PRTG: variants seen among roughly 807,000 people sequenced by gnomAD.
PRTG encodes immunoglobulin superfamily, DCC subclass, member 5.
In PRTG, 67 loss-of-function variants were observed where a neutral mutation model predicts 122.5. The ratio of observed to expected loss-of-function variants is 0.55; its 90% CI spans 0.45 to 0.67. The LOEUF (loss-of-function observed/expected upper bound fraction) is 0.67. Among genes scored for constraint, PRTG ranks in the 30% least tolerant of loss-of-function variants. PRTG has a pLI of 0.00. For synonymous variants in PRTG, 554 were observed against 501.1 expected (o/e 1.11, Z -1.41); for missense variants, 1,435 against 1,415.4 (o/e 1.01, Z -0.22).
At chr15:55,633,006 A>T (rs939273936) in intron 15 of PRTG, among the ~76,000 whole-genome samples, 9 of 152,212 alleles carry the variant, frequency 5.9e-5, no homozygotes, top group Non-Finnish European at 1.2e-4. Context: ...AAGATTGCTA[A>T]TTTCCAGTGT....
chr15:55,724,508 T>C (rs2030953004), intron 2 of PRTG, among the ~76,000 whole-genome samples: 1 of 152,118 alleles, frequency 6.6e-6, no homozygotes, highest in African/African-American at 2.4e-5. Context: ...CCCAGCATTT[T>C]GGGAGGCCAG....
chr15:55,710,586 C>T (rs1485637301), intron 2 of PRTG, among the ~76,000 whole-genome samples: 2 of 151,994 alleles, frequency 1.3e-5, no homozygotes, highest in Non-Finnish European at 2.9e-5. Context: ...TTATAATATC[C>T]CAGAATCTAA....
chr15:55,701,660 T>C (rs2059664527), intron 2 of PRTG, among the ~76,000 whole-genome samples: 2 of 152,170 alleles, frequency 1.3e-5, no homozygotes. Flanking sequence ...TTCATAATCA[T>C]CCAAAACTGG....
chr15:55,707,527 T>A (rs1219136726), intron 2 of PRTG, among the ~76,000 whole-genome samples: 1 of 152,222 alleles, frequency 6.6e-6, no homozygotes, highest in African/African-American at 2.4e-5. Context: ...TAGAAATTTT[T>A]ACCAAATTAT....
intron 1 of PRTG, among the ~76,000 whole-genome samples, chr15:55,741,704 C>G (rs191169724): frequency 4.4e-4 from 67 of 152,338 alleles, no homozygotes; most frequent in Non-Finnish European, 8.8e-4. Flanking sequence ...TACAAACCCC[C>G]AGAAATGATT....
chr15:55,631,278 AG>A (rs1171958903), intron 15 of PRTG, among the ~76,000 whole-genome samples: 1 of 152,252 alleles, frequency 6.6e-6, no homozygotes, highest in African/African-American at 2.4e-5. Flanking sequence ...CTTAGCTGAA[AG>A]GAAGAACATT....
At position 55,705,668 on chromosome 15, in the gene PRTG, T is replaced by C. The variant is rs558916778; in HGVS notation, c.398-21737A>G. On this transcript the variant is annotated intron_variant, in intron 2 of 19. Transcript: ENST00000389286. Reference sequence around the variant, plus strand: ...TTGGGGTTTCACCATGTTGCACTCCTGACCTCAAGTGATCCTCCCGCTTCA... The same window carrying C: ...TTGGGGTTTCACCATGTTGCACTCCCGACCTCAAGTGATCCTCCCGCTTCA... Among the ~76,000 whole-genome samples the C allele has an allele frequency of 6.6e-5, 10 of 152,100 alleles. 1 individual carries two copies. In the South Asian group the frequency reaches 2.1e-3, roughly 32 times the overall value.
chr15:55,638,761 G>A, intron 13 of PRTG, 85 bp from the exon 14 acceptor site: 1 of 1,188,368 alleles, frequency 8.4e-7, no homozygotes, highest in Non-Finnish European at 1.2e-6. Context: ...ATAGGTAAGG[G>A]CATAATGTTA....
At chr15:55,671,908 C>G (rs1444345371) in intron 11 of PRTG, among the ~76,000 whole-genome samples, 3 of 152,188 alleles carry the variant, frequency 2.0e-5, no homozygotes, top group Non-Finnish European at 4.4e-5. Flanking sequence ...CAATGTCTTT[C>G]AGAACACTGA....
chr15:55,735,950 CT>C (rs1274912312), intron 2 of PRTG, among the ~76,000 whole-genome samples: 1 of 152,076 alleles, frequency 6.6e-6, no homozygotes, highest in Non-Finnish European at 1.5e-5. Context: ...TTTCTACTTC[CT>C]TCACTTGACT....
intron 2 of PRTG, among the ~76,000 whole-genome samples, chr15:55,707,499 G>A (rs117826077): frequency 0.011 from 1,609 of 152,212 alleles, 21 homozygotes; most frequent in East Asian, 0.012. Context: ...TATTAAATGC[G>A]GAATGCATAC....
Position 55,629,371 on chromosome 15 carries a change from ATATATGTGTGTGTGTG to A in PRTG, c.2624-383_2624-368del, listed in dbSNP as rs1466660183. ...TTTGTTTGGCTTTGTATATATATATATATATGTGTGTGTGTGTGTGTGTGTGTGTGTGTGTGTGTGT... is the reference window on the plus strand; with the variant it reads ...TTTGTTTGGCTTTGTATATATATATATGTGTGTGTGTGTGTGTGTGTGTGT... On this transcript the variant is annotated intron_variant, in intron 15 of 19. Transcript: ENST00000389286. 4.5e-4 allele frequency among the ~76,000 whole-genome samples: 16 copies of A among 35,560 alleles called. 1 individual carries two copies. Among genetic ancestry groups the A allele is most frequent in the East Asian group, 0.14 (2 of 14 alleles). The allele number at this position is 35,560 out of a possible 152,430, so 23.3% of individuals were successfully genotyped here.
Position 55,638,583 on chromosome 15 carries a change from C to G in PRTG, c.2418G>C (p.Trp806Cys). The change falls in exon 14 of 20, where the codon TGG becomes TGC. Residue 806 changes from tryptophan (W) to cysteine (C), a missense_variant. Trp to Cys is a radical substitution (Grantham distance 215). Transcript: ENST00000389286. ...RLHVDQLSSP[W>C]SPVVYHSTLP... ...GAGTAGAATGGTAGACTACAGGGCT[C>G]CAAGGACTGGAAAGCTGATCCACAT... 6.2e-7 allele frequency: 1 copy of G among 1,613,394 alleles called. No individual in the cohort carries two copies. The highest frequency in any genetic ancestry group is 8.5e-7 in the Non-Finnish European group (1 of 1,179,508).
chr15:55,692,835 C>CTTTTTTTT (rs774248341), intron 2 of PRTG, among the ~76,000 whole-genome samples: 14 of 74,978 alleles, frequency 1.9e-4, no homozygotes, highest in Non-Finnish European at 2.1e-4. Flanking sequence ...AATGCAATCT[C>CTTTTTTTT]TTTTTTTTTT....
intron 2 of PRTG, among the ~76,000 whole-genome samples, chr15:55,692,934 G>C (rs145415931): frequency 6.6e-5 from 9 of 136,750 alleles, no homozygotes; most frequent in African/African-American, 2.4e-4. Context: ...TCTGTCTCCC[G>C]GGTTCAAGCA....
chr15:55,662,277 T>C (rs2059414507), intron 11 of PRTG, among the ~76,000 whole-genome samples: 1 of 152,220 alleles, frequency 6.6e-6, no homozygotes, highest in East Asian at 1.9e-4. Flanking sequence ...AAAAGGTATT[T>C]CTTCTCTCCG....
chr15:55,629,403 G>A (rs879481517), intron 15 of PRTG, among the ~76,000 whole-genome samples: 5 of 114,278 alleles, frequency 4.4e-5, no homozygotes, highest in African/African-American at 2.2e-4. Flanking sequence ...GTGTGTGTGT[G>A]TGTGTGTGTG....
chr15:55,618,775 C>T lies in PRTG; in HGVS notation c.*1237G>A, dbSNP rs1169378391. 3 of 152,144 alleles carry T rather than the reference C, an allele frequency of 2.0e-5. No homozygotes were observed. Among genetic ancestry groups the T allele is most frequent in the Non-Finnish European group, 4.4e-5 (3 of 68,030 alleles). The allele number at this position is 152,144 out of a possible 1,614,324, so 9.4% of individuals were successfully genotyped here. ...AAGATACTATACATCAAAATAGTTA[C>T]TGATAAAATCCAAGAAACTCTTAAG... On this transcript the variant is annotated 3_prime_UTR_variant, in exon 20 of 20. Coordinates refer to ENST00000389286, the MANE Select transcript of PRTG (RefSeq NM_173814.6).
intron 18 of PRTG, among the ~76,000 whole-genome samples, chr15:55,621,474 A>G (rs1446820982): frequency 6.6e-6 from 1 of 151,930 alleles, no homozygotes; most frequent in Non-Finnish European, 1.5e-5. Flanking sequence ...TGGCTAACAC[A>G]GTGAAATCCC....
Sources: allele counts gnomAD v4.1 joint callset (sites outside exome capture counted in the v4.1 genomes callset), GRCh38; gene constraint gnomAD v4.1.1; transcripts MANE v1.5; gene names NCBI Gene and HGNC (gene_info 2026-07-23, HGNC 2026-07-21).